Variants in RPSA2 observed in about 807,000 individuals in gnomAD.
RPSA2 encodes the protein small ribosomal subunit protein uS2B.
chr19:23,831,640 C>T, the RPSA2 span: 3 of 197,018 alleles, frequency 1.5e-5, no homozygotes, highest in East Asian at 4.6e-4. Context: ...CAGAGCAGGG[C>T]ATGGAAGATT....
At chr19:23,808,548 C>CAT in the RPSA2 span, among the ~76,000 whole-genome samples, 11 of 152,138 alleles carry the variant, frequency 7.2e-5, no homozygotes, top group Middle Eastern at 3.4e-3. Flanking sequence ...TGAGCCACTG[C>CAT]GCCTGACCAA....
chr19:23,870,668 G>GTCTATAT, the RPSA2 span, among the ~76,000 whole-genome samples: 1 of 152,146 alleles, frequency 6.6e-6, no homozygotes, highest in African/African-American at 2.4e-5. Context: ...ATATAGTTCT[G>GTCTATAT]GGAATAATGT....
the RPSA2 span, among the ~76,000 whole-genome samples, chr19:23,787,297 G>C: frequency 6.6e-6 from 1 of 152,068 alleles, no homozygotes. Context: ...CTTGCCTATA[G>C]GCGGCATTTT....
chr19:23,839,237 CA>C, the RPSA2 span, among the ~76,000 whole-genome samples: 57 of 152,264 alleles, frequency 3.7e-4, no homozygotes, highest in African/African-American at 1.2e-3. Context: ...CATGTATTTG[CA>C]TGGTTTTGAA....
the RPSA2 span, among the ~76,000 whole-genome samples, chr19:23,850,669 G>T: frequency 6.6e-6 from 1 of 151,688 alleles, no homozygotes; most frequent in African/African-American, 2.4e-5. Context: ...TCTTCCCCAC[G>T]TTATAATCGC....
At chr19:23,769,438 G>T in the RPSA2 span, among the ~76,000 whole-genome samples, 1,691 of 152,214 alleles carry the variant, frequency 0.011, 34 homozygotes, top group African/African-American at 0.038. Flanking sequence ...CCACCTCCTG[G>T]GTTCAAGTGA....
chr19:23,758,866 C>T, the RPSA2 span: 1 of 1,445,182 alleles, frequency 6.9e-7, no homozygotes, highest in Non-Finnish European at 9.5e-7. Flanking sequence ...AAGACGAGAC[C>T]CGGAGCTCGG....
At chr19:23,788,887 C>T in the RPSA2 span, among the ~76,000 whole-genome samples, 2 of 152,088 alleles carry the variant, frequency 1.3e-5, no homozygotes, top group Non-Finnish European at 2.9e-5. Flanking sequence ...TAACATATCA[C>T]TGGGATCAGC....
the RPSA2 span, among the ~76,000 whole-genome samples, chr19:23,804,727 G>A: frequency 2.0e-5 from 3 of 152,138 alleles, no homozygotes; most frequent in Admixed American, 1.3e-4. Context: ...ATAGAGTGGG[G>A]CCAAATTTAC....
At chr19:23,775,939 A>G in the RPSA2 span, among the ~76,000 whole-genome samples, 1 of 152,184 alleles carries the variant, frequency 6.6e-6, no homozygotes, top group Non-Finnish European at 1.5e-5. Context: ...TTTGGCACAC[A>G]CTTCTGCCCA....
At chr19:23,867,638 G>T in the RPSA2 span, among the ~76,000 whole-genome samples, 1 of 152,052 alleles carries the variant, frequency 6.6e-6, no homozygotes, top group Admixed American at 6.5e-5. Context: ...AGACCATCCT[G>T]GCTAACACAG....
At chr19:23,774,876 G>T in the RPSA2 span, among the ~76,000 whole-genome samples, 2 of 152,174 alleles carry the variant, frequency 1.3e-5, no homozygotes, top group Admixed American at 1.3e-4. Context: ...TCTCAGAGAA[G>T]ATTGTGACAT....
the RPSA2 span, among the ~76,000 whole-genome samples, chr19:23,835,607 G>A: frequency 1.4e-4 from 3 of 21,268 alleles, no homozygotes; most frequent in South Asian, 0.012. Flanking sequence ...TTTTTTGTTT[G>A]TTTAATAGTT....
At chr19:23,868,942 G>A in the RPSA2 span, among the ~76,000 whole-genome samples, 12 of 152,038 alleles carry the variant, frequency 7.9e-5, no homozygotes, top group African/African-American at 2.9e-4. Context: ...ATAACCTGGG[G>A]GACACTCAAG....
chr19:23,799,087 C>T, the RPSA2 span: 2 of 152,192 alleles, frequency 1.3e-5, no homozygotes, highest in African/African-American at 4.8e-5. Flanking sequence ...CTGAGAGTAG[C>T]TATGCACTTT....
At chr19:23,779,660 T>C in the RPSA2 span, among the ~76,000 whole-genome samples, 1 of 152,210 alleles carries the variant, frequency 6.6e-6, no homozygotes, top group African/African-American at 2.4e-5. Context: ...TTTTGGGTAT[T>C]GGGACATTTC....
chr19:23,832,700 A>G, the RPSA2 span: 1 of 1,510,898 alleles, frequency 6.6e-7, no homozygotes, highest in East Asian at 2.7e-5. Flanking sequence ...AAGAGGATGC[A>G]CACTGGAGAG....
chr19:23,870,988 C>G, the RPSA2 span, among the ~76,000 whole-genome samples: 1 of 152,276 alleles, frequency 6.6e-6, no homozygotes, highest in East Asian at 1.9e-4. Context: ...ACTGGGACAT[C>G]TGGAGCCTAC....
the RPSA2 span, among the ~76,000 whole-genome samples, chr19:23,761,901 A>ATCCTTCCTTCCTTCCC: frequency 2.9e-5 from 1 of 34,016 alleles, no homozygotes; most frequent in African/African-American, 9.6e-5. Context: ...GGGTAACGTA[A>ATCCTTCCTTCCTTCCC]TTCTTTCTTT....
Sources: gnomAD v4.1 joint callset for allele counts (sites outside exome capture counted in the v4.1 genomes callset) on GRCh38, gnomAD v4.1.1 for gene constraint, MANE v1.5 for transcripts, NCBI Gene and HGNC (gene_info 2026-07-23, HGNC 2026-07-21) for gene names.